MAF: variants seen among roughly 807,000 people sequenced by gnomAD.
The protein encoded by MAF is MAF bZIP transcription factor.
MAF carries 10 observed loss-of-function variants against 22.0 expected under a neutral mutation model. That is an observed-to-expected ratio of 0.45 (90% CI 0.28 to 0.77). MAF has a LOEUF of 0.77. MAF is among the 30% of genes least tolerant of loss of function. The probability of loss-of-function intolerance (pLI) is 0.12; values close to 1 mark genes in which losing one functional copy is unlikely to be tolerated. For synonymous variants in MAF, 337 were observed against 255.8 expected (o/e 1.32, Z -3.03); for missense variants, 544 against 548.4 (o/e 0.99, Z 0.08).
At chr16:79,513,926 G>A in the MAF span, among the ~76,000 whole-genome samples, 1 of 152,072 alleles carries the variant, frequency 6.6e-6, no homozygotes, top group African/African-American at 2.4e-5. Context: ...CAATTCAAAA[G>A]CACGACAATA....
chr16:79,536,557 G>A, the MAF span, among the ~76,000 whole-genome samples: 229 of 152,198 alleles, frequency 1.5e-3, no homozygotes, highest in African/African-American at 5.4e-3. Context: ...CAGGAGAATC[G>A]CTTGAACTTG....
the MAF span, among the ~76,000 whole-genome samples, chr16:79,366,483 A>C: frequency 6.6e-6 from 1 of 152,228 alleles, no homozygotes; most frequent in Non-Finnish European, 1.5e-5. Context: ...AAGAACCTAC[A>C]GTTAGGAATT....
At chr16:79,360,922 T>A in the MAF span, among the ~76,000 whole-genome samples, 1 of 152,200 alleles carries the variant, frequency 6.6e-6, no homozygotes, top group Non-Finnish European at 1.5e-5. Context: ...GTTCAGGGAC[T>A]TTGTGTTGTT....
At chr16:79,204,371 A>AT in the MAF span, 1 of 152,136 alleles carries the variant, frequency 6.6e-6, no homozygotes, top group African/African-American at 2.4e-5. Flanking sequence ...AATGACCCAC[A>AT]TGGATTGCCT....
At chr16:79,428,409 G>T in the MAF span, among the ~76,000 whole-genome samples, 2 of 152,316 alleles carry the variant, frequency 1.3e-5, no homozygotes, top group African/African-American at 4.8e-5. Context: ...CTGTGTCAAG[G>T]ACAATGTTGC....
chr16:79,313,458 C>T, the MAF span, among the ~76,000 whole-genome samples: 1 of 152,286 alleles, frequency 6.6e-6, no homozygotes, highest in African/African-American at 2.4e-5. Context: ...TCACCTCCCA[C>T]TGTAAATACA....
At chr16:79,500,053 A>G in the MAF span, among the ~76,000 whole-genome samples, 2 of 152,330 alleles carry the variant, frequency 1.3e-5, no homozygotes, top group South Asian at 4.1e-4. Context: ...AGGAATGCCA[A>G]CAGAGCTGGA....
chr16:79,299,865 CTAAGCCACTCTG>C, the MAF span, among the ~76,000 whole-genome samples: 4 of 152,276 alleles, frequency 2.6e-5, no homozygotes, highest in South Asian at 2.1e-4. Flanking sequence ...CTTTTTTCTG[CTAAGCCACTCTG>C]GCCCAGAGCC....
chr16:79,233,559 C>A, the MAF span, among the ~76,000 whole-genome samples: 1 of 152,078 alleles, frequency 6.6e-6, no homozygotes, highest in Non-Finnish European at 1.5e-5. Flanking sequence ...GCAAATACAT[C>A]AATGGGCTAA....
At chr16:79,260,500 T>TATCTATATCTA in the MAF span, among the ~76,000 whole-genome samples, 241 of 149,646 alleles carry the variant, frequency 1.6e-3, 1 homozygote, top group African/African-American at 6.0e-3. Context: ...TCTATATCTA[T>TATCTATATCTA]ATCTATATAT....
At chr16:79,239,919 T>C in the MAF span, among the ~76,000 whole-genome samples, 1 of 151,966 alleles carries the variant, frequency 6.6e-6, no homozygotes, top group Non-Finnish European at 1.5e-5. Flanking sequence ...TTAAGATGGA[T>C]AGTGGCAGCA....
intron 1 of MAF, chr16:79,596,704 A>C: frequency 4.8e-6 from 5 of 1,040,358 alleles, no homozygotes; most frequent in Non-Finnish European, 3.5e-6. Context: ...ACAGGATGTC[A>C]GTCCCTGAAA....
At chr16:79,289,734 T>A in the MAF span, among the ~76,000 whole-genome samples, 1 of 151,964 alleles carries the variant, frequency 6.6e-6, no homozygotes, top group African/African-American at 2.4e-5. Context: ...TCTTCCAAGG[T>A]GTCACAACTC....
At chr16:79,548,875 C>G in the MAF span, among the ~76,000 whole-genome samples, 1 of 152,170 alleles carries the variant, frequency 6.6e-6, no homozygotes, top group African/African-American at 2.4e-5. Context: ...CTTGCCTCTG[C>G]TCCTTAAGCC....
chr16:79,428,711 G>C, the MAF span, among the ~76,000 whole-genome samples: 1 of 152,166 alleles, frequency 6.6e-6, no homozygotes, highest in South Asian at 2.1e-4. Context: ...ATCCAGGCAT[G>C]GTTTGTGCCT....
At chr16:79,231,318 T>C in the MAF span, among the ~76,000 whole-genome samples, 1 of 152,078 alleles carries the variant, frequency 6.6e-6, no homozygotes, top group African/African-American at 2.4e-5. Context: ...ACCTGGTTTC[T>C]GGGGTAAAAC....
chr16:79,427,620 A>G, the MAF span, among the ~76,000 whole-genome samples: 2 of 151,994 alleles, frequency 1.3e-5, no homozygotes, highest in African/African-American at 4.8e-5. Flanking sequence ...CTTACCCCGA[A>G]GGCCCTCTCA....
the MAF span, among the ~76,000 whole-genome samples, chr16:79,278,402 G>T: frequency 6.6e-6 from 1 of 152,304 alleles, no homozygotes; most frequent in Admixed American, 6.5e-5. Flanking sequence ...TGACTTGCCA[G>T]GACAGAGAGG....
At chr16:79,496,914 G>C in the MAF span, among the ~76,000 whole-genome samples, 1 of 152,204 alleles carries the variant, frequency 6.6e-6, no homozygotes, top group South Asian at 2.1e-4. Flanking sequence ...ACAATTTAAG[G>C]TTCTACACAG....
Sources: gnomAD v4.1 joint callset for allele counts (sites outside exome capture counted in the v4.1 genomes callset) on GRCh38, gnomAD v4.1.1 for gene constraint, MANE v1.5 for transcripts, NCBI Gene and HGNC (gene_info 2026-07-23, HGNC 2026-07-21) for gene names.